Variants in LIFR observed in about 807,000 individuals in gnomAD.
LIFR encodes leukemia inhibitory factor receptor.
LIFR carries 84 observed loss-of-function variants against 122.2 expected under a neutral mutation model. The observed-to-expected ratio is 0.69, with a 90% CI of 0.58 to 0.82. The LOEUF is 0.82. Ranked by LOEUF, LIFR falls within the 40% of genes least tolerant of loss-of-function variation. The pLI is 0.00. For synonymous variants in LIFR, 422 were observed against 434.7 expected (o/e 0.97, Z 0.36); for missense variants, 1,294 against 1,311.6 (o/e 0.99, Z 0.21).
At chr5:38,513,425 CT>C (rs1279844999) in intron 5 of LIFR, among the ~76,000 whole-genome samples, 1 of 152,210 alleles carries the variant, frequency 6.6e-6, no homozygotes, top group Non-Finnish European at 1.5e-5. Context: ...ACCCAGATCC[CT>C]TCCCACACTC....
chr5:38,510,567 A>G lies in LIFR; in HGVS notation c.888T>C (p.Asn296=). 6.2e-7 allele frequency: 1 copy of G among 1,613,980 alleles called. No individual in the cohort carries two copies. The highest frequency in any genetic ancestry group is 8.5e-7 in the Non-Finnish European group (1 of 1,179,938). ...AAATATTACGAATCTTGATTGCAAC[A>G]TTTTCCCCATCAAGATGGATCAAGG... The part of the protein sequence containing the change: ...NCPLIHLDGE[N]VAIKIRNISV... Residue 296 remains asparagine, a synonymous_variant, in exon 7 of 20, where the codon AAT becomes AAC. Transcript: ENST00000453190.
chr5:38,547,007 T>C (rs1439764762), intron 1 of LIFR, among the ~76,000 whole-genome samples: 5 of 152,310 alleles, frequency 3.3e-5, no homozygotes, highest in African/African-American at 4.8e-5. Flanking sequence ...CCAGTCACCA[T>C]TACATACTCA....
Position 38,476,650 on chromosome 5 carries a change from TA to T in LIFR, c.*4944del. The T allele has an allele frequency of 4.8e-6, 1 of 206,218 alleles. No individual in the cohort carries two copies. Among genetic ancestry groups the T allele is most frequent in the East Asian group, 7.4e-5 (1 of 13,548 alleles). 12.8% of individuals were successfully genotyped at this position (206,218 alleles called of 1,614,324 possible). The stretch of plus-strand genomic sequence containing the variant: ...CACTCACATCTCTTAGTTTTTAGGG[TA>T]TTCAGTCCCAGCAACCAAAAAAAAA... On this transcript the variant is annotated 3_prime_UTR_variant, in exon 20 of 20. Transcript: ENST00000453190.
intron 1 of LIFR, among the ~76,000 whole-genome samples, chr5:38,564,588 T>TTA (rs1748944066): frequency 6.6e-6 from 1 of 152,038 alleles, no homozygotes; most frequent in African/African-American, 2.4e-5. Context: ...GAAAGTGATG[T>TTA]TATATTCAAA....
rs1441934588 is a variant in LIFR at position 38,484,757 on chromosome 5, T to G, written c.2591+18A>C. 6.5e-7 allele frequency: 1 copy of G among 1,530,600 alleles called. No homozygotes were observed. The allele number at this position is 1,530,600 out of a possible 1,614,324, so 94.8% of individuals were successfully genotyped here. ...GCCTTTAAGAAGAAAACAGCAAGAGTAAATGCAGAACTATTACCATTCTCG... is the reference window on the plus strand; with the variant it reads ...GCCTTTAAGAAGAAAACAGCAAGAGGAAATGCAGAACTATTACCATTCTCG... On this transcript the variant is annotated intron_variant, in intron 18 of 19. Transcript: ENST00000453190.
chr5:38,513,100 C>G (rs1210403787), intron 5 of LIFR, among the ~76,000 whole-genome samples: 2 of 152,130 alleles, frequency 1.3e-5, no homozygotes, highest in Admixed American at 6.5e-5. Context: ...CAACTATTTC[C>G]TTCTCCCTTA....
intron 8 of LIFR, 66 bp downstream of exon 8, chr5:38,506,435 CTA>C: frequency 6.4e-7 from 1 of 1,558,004 alleles, no homozygotes; most frequent in Non-Finnish European, 8.9e-7. Context: ...GTGCAGTTCC[CTA>C]TGTCATTTAA....
chr5:38,491,324 T>C lies in LIFR; in HGVS notation c.2066-1033A>G, dbSNP rs926982018. Among the ~76,000 whole-genome samples the C allele has an allele frequency of 1.3e-4, 20 of 152,200 alleles. 1 individual carries two copies. Among genetic ancestry groups the C allele is most frequent in the East Asian group, 7.7e-4 (4 of 5,196 alleles). On this transcript the variant is annotated intron_variant, in intron 14 of 19. Coordinates refer to ENST00000453190, the MANE Select transcript of LIFR (RefSeq NM_001127671.2). ...CACAAAACGTCAAGCATGGAGACAC[T>C]TGCAGAGTGGTGGGGAAGACAGACG...
At chr5:38,560,550 C>G (rs902283506), upstream of LIFR, among the ~76,000 whole-genome samples, 5 of 151,514 alleles carry the variant, frequency 3.3e-5, no homozygotes, top group African/African-American at 1.2e-4. Flanking sequence ...ATATCTCTAG[C>G]TTGGCCCCAA....
At position 38,510,607 on chromosome 5, in the gene LIFR, C is replaced by G. The variant is rs1365936298; in HGVS notation, c.848G>C (p.Gly283Ala). 1 of 1,613,914 alleles carries G rather than the reference C, an allele frequency of 6.2e-7. No individual in the cohort carries two copies. The highest frequency in any genetic ancestry group is 2.2e-5 in the East Asian group (1 of 44,858). Reference sequence around the variant, plus strand: ...ATGGATCAAGGGGCAGTTTGTATGGCCAATCAGTGCTGATAACACTTTTTC... The same window carrying G: ...ATGGATCAAGGGGCAGTTTGTATGGGCAATCAGTGCTGATAACACTTTTTC... ...SQEKVLSALIGHTNCPLIHLD... is the reference protein window; with the variant it reads ...SQEKVLSALIAHTNCPLIHLD... Residue 283 changes from glycine (G) to alanine (A), a missense_variant, in exon 7 of 20, where the codon GGC becomes GCC. Coordinates refer to ENST00000453190, the MANE Select transcript of LIFR (RefSeq NM_001127671.2).
intron 1 of LIFR, chr5:38,555,119 G>A (rs1429898088): frequency 1.3e-5 from 2 of 152,160 alleles, no homozygotes; most frequent in South Asian, 2.1e-4. Flanking sequence ...CCCTAATGAA[G>A]TTTCCAAATG....
chr5:38,571,788 T>TGTGCTTACCTTTCTGAACTTTTAGC (rs1749222248), intron 1 of LIFR, among the ~76,000 whole-genome samples: 1 of 152,230 alleles, frequency 6.6e-6, no homozygotes, highest in South Asian at 2.1e-4. Flanking sequence ...TGTCTTTTAG[T>TGTGCTTACCTTTCTGAACTTTTAGC]GTGCTTCCCT....
chr5:38,574,438 G>A (rs939516845), intron 1 of LIFR, among the ~76,000 whole-genome samples: 1 of 152,096 alleles, frequency 6.6e-6, no homozygotes, highest in African/African-American at 2.4e-5. Flanking sequence ...GTTTACCATG[G>A]GTATTCCTTC....
chr5:38,524,000 A>G (rs921553378), intron 4 of LIFR, among the ~76,000 whole-genome samples: 1 of 152,250 alleles, frequency 6.6e-6, no homozygotes, highest in African/African-American at 2.4e-5. Context: ...AACAGCAACT[A>G]GGTTTCCACA....
intron 1 of LIFR, among the ~76,000 whole-genome samples, chr5:38,546,217 C>T (rs201350851): frequency 6.6e-6 from 1 of 152,046 alleles, no homozygotes; most frequent in African/African-American, 2.4e-5. Context: ...TCAATACATA[C>T]TAAAGAATTT....
At position 38,530,327 on chromosome 5, in the gene LIFR, GATCT is replaced by G. The variant is rs1281855565; in HGVS notation, c.142+175_142+178del. On this transcript the variant is annotated intron_variant, in intron 2 of 19. Coordinates refer to ENST00000453190, the MANE Select transcript of LIFR (RefSeq NM_001127671.2). ...ATTTTTCATGGTAAAATAATATTTT[GATCT>G]ATCATTAAGGATCTTTTTAAAAGAA... Among the ~76,000 whole-genome samples, 6 of 152,096 alleles carry G rather than the reference GATCT, an allele frequency of 3.9e-5. No homozygotes were observed. In the East Asian group the frequency reaches 1.2e-3, roughly 29 times the overall value.
In LIFR at chr5:38,479,063, T is replaced by C; in HGVS notation, c.*2532A>G. ...CCAGTATCTCAGACAACTGAACATG[T>C]GACCAATCTCCTTCCAACTTCCCTC... On this transcript the variant is annotated 3_prime_UTR_variant, in exon 20 of 20. Transcript: ENST00000453190. 4.3e-6 allele frequency: 1 copy of C among 231,580 alleles called. No homozygotes were observed. The highest frequency in any genetic ancestry group is 8.5e-6 in the Non-Finnish European group (1 of 116,966). 14.3% of individuals were successfully genotyped at this position (231,580 alleles called of 1,614,324 possible). A position where few individuals can be genotyped will look rare whatever the true frequency, so the allele number is the denominator to read the frequency against.
At chr5:38,532,945 T>C (rs1171130015) in intron 1 of LIFR, among the ~76,000 whole-genome samples, 1 of 152,176 alleles carries the variant, frequency 6.6e-6, no homozygotes, top group Non-Finnish European at 1.5e-5. Flanking sequence ...AAAATTAGGA[T>C]GCAGCAACAG....
chr5:38,603,337 G>C (rs1220437902), intron 2 of LIFR, among the ~76,000 whole-genome samples: 2 of 152,190 alleles, frequency 1.3e-5, no homozygotes, highest in East Asian at 1.9e-4. Context: ...GTACGGATTT[G>C]CCGCTGGTAA....
Sources: gnomAD v4.1 joint callset for allele counts (sites outside exome capture counted in the v4.1 genomes callset) on GRCh38, gnomAD v4.1.1 for gene constraint, MANE v1.5 for transcripts, NCBI Gene and HGNC (gene_info 2026-07-23, HGNC 2026-07-21) for gene names.